Variants in RTEL1 observed in about 807,000 individuals in gnomAD.
The protein encoded by RTEL1 is regulator of telomere elongation helicase 1.
Under a neutral mutation model 162.2 loss-of-function variants are expected in RTEL1, and 86 were observed. The ratio of observed to expected loss-of-function variants is 0.53; its 90% CI spans 0.45 to 0.63. RTEL1 has a LOEUF of 0.63. Among genes scored for constraint, RTEL1 ranks in the 30% least tolerant of loss-of-function variants. The pLI, the probability that RTEL1 is intolerant of heterozygous loss-of-function variation, is 0.00. For synonymous variants in RTEL1, 958 were observed against 717.9 expected (o/e 1.33, Z -5.35); for missense variants, 1,941 against 1,750.2 (o/e 1.11, Z -1.95).
In RTEL1 at chr20:63,695,165, C is replaced by G. The variant is rs116773320; in HGVS notation, c.3443C>G (p.Pro1148Arg). ...RPYPGMEPPGPQEERLAVPPV... is the reference protein window; with the variant it reads ...RPYPGMEPPGRQEERLAVPPV... The stretch of plus-strand genomic sequence containing the variant: ...TACCCGGGCATGGAGCCACCGGGAC[C>G]CCAGGAGGAGAGGCTTGCCGTGCCT... Residue 1148 changes from proline (P) to arginine (R), a missense_variant, in exon 33 of 35, where the codon CCC becomes CGC. Pro to Arg is a moderately radical substitution (Grantham distance 103). Coordinates refer to ENST00000360203, the MANE Select transcript of RTEL1 (RefSeq NM_001283009.2). The G allele has an allele frequency of 1.2e-6, 2 of 1,612,360 alleles. No homozygotes were observed. The highest frequency in any genetic ancestry group is 3.3e-5 in the Admixed American group (2 of 59,996).
At chr20:63,692,754 G>GC (rs2090782408) in intron 28 of RTEL1, 51 bp from the exon 29 acceptor site, 3 of 1,550,778 alleles carry the variant, frequency 1.9e-6, no homozygotes, top group African/African-American at 2.7e-5. Context: ...CAGCCCCAGG[G>GC]ACCAGATGAT....
At chr20:63,676,910 G>GA (rs912619570) in intron 10 of RTEL1, among the ~76,000 whole-genome samples, 1 of 39,952 alleles carries the variant, frequency 2.5e-5, no homozygotes, top group Non-Finnish European at 4.9e-5. Flanking sequence ...ACTCCAGCCT[G>GA]GCGACAGAGC....
At position 63,692,939 on chromosome 20, in the gene RTEL1, C is replaced by T. The variant is rs115030322; in HGVS notation, c.2787C>T (p.Ala929=). 690 of 1,612,638 alleles carry T rather than the reference C, an allele frequency of 4.3e-4. 3 individuals are homozygous for T. Among genetic ancestry groups the T allele is most frequent in the African/African-American group, 2.0e-3 (151 of 75,054 alleles). The change falls in exon 29 of 35, where the codon GCC becomes GCT. Residue 929 remains alanine, a synonymous_variant. Coordinates refer to ENST00000360203, the MANE Select transcript of RTEL1 (RefSeq NM_001283009.2). Reference sequence around the variant, plus strand: ...ACTACAAGGGTTCCGATGACTTCGCCGCCCTGGCCGCCTGTCTCGGCCCCC... The same window carrying T: ...ACTACAAGGGTTCCGATGACTTCGCTGCCCTGGCCGCCTGTCTCGGCCCCC... ...LQDYKGSDDF[A]ALAACLGPLF... is the part of the protein sequence containing the mutation.
intron 27 of RTEL1, among the ~76,000 whole-genome samples, chr20:63,691,498 G>C (rs2090742386): frequency 6.6e-6 from 1 of 152,084 alleles, no homozygotes; most frequent in African/African-American, 2.4e-5. Flanking sequence ...CCCTCGCTGT[G>C]GTCGGACTGT....
Position 63,694,884 on chromosome 20 carries a change from G to A in RTEL1, c.3253G>A (p.Ala1085Thr), listed in dbSNP as rs1470891280. Reference sequence around the variant, plus strand: ...TAGCCAACTCTTGGCAGCGCTGACAGCCTATAAGCAAGACGACGACCTCGA... The same window carrying A: ...TAGCCAACTCTTGGCAGCGCTGACAACCTATAAGCAAGACGACGACCTCGA... ...GCSQLLAALT[A>T]YKQDDDLDKV... Residue 1085 changes from alanine (A) to threonine (T), a missense_variant, in exon 32 of 35, where the codon GCC becomes ACC. Transcript: ENST00000360203. 7 of 1,612,678 alleles carry A rather than the reference G, an allele frequency of 4.3e-6. No homozygotes were observed. The highest frequency in any genetic ancestry group is 5.1e-6 in the Non-Finnish European group (6 of 1,179,880).
intron 8 of RTEL1, 49 bp from the exon 9 acceptor site, chr20:63,672,507 C>T: frequency 6.9e-7 from 1 of 1,457,910 alleles, no homozygotes. Flanking sequence ...TTCCCTCTTT[C>T]CCGGCCTCTG....
Position 63,692,923 on chromosome 20 carries a change from G to A in RTEL1, c.2771G>A (p.Gly924Asp), listed in dbSNP as rs776546788. ...TFTQALQDYK[G>D]SDDFAALAAC... ...ACCCAGGCCCTGCAGGACTACAAGG[G>A]TTCCGATGACTTCGCCGCCCTGGCC... The change falls in exon 29 of 35, where the codon GGT becomes GAT. Residue 924 changes from glycine to aspartate, a missense_variant. Physicochemically the swap from Gly to Asp is moderately conservative, Grantham distance 94. Coordinates refer to ENST00000360203, the MANE Select transcript of RTEL1 (RefSeq NM_001283009.2). The A allele has an allele frequency of 2.5e-6, 4 of 1,612,654 alleles. No homozygotes were observed. In the South Asian group the frequency reaches 4.4e-5, roughly 18 times the overall value.
At chr20:63,676,817 C>T (rs571606382) in intron 10 of RTEL1, among the ~76,000 whole-genome samples, 1 of 152,312 alleles carries the variant, frequency 6.6e-6, no homozygotes, top group Admixed American at 6.5e-5. Context: ...TGCTTGTAAT[C>T]CCAGCTACTT....
At chr20:63,658,686 C>A (rs1452529157) in intron 1 of RTEL1, 1 of 152,440 alleles carries the variant, frequency 6.6e-6, no homozygotes, top group African/African-American at 2.4e-5. Flanking sequence ...AGGGAAGGGC[C>A]GACATTCAGT....
chr20:63,685,317 A>G (rs2090567666), intron 14 of RTEL1, among the ~76,000 whole-genome samples: 1 of 152,158 alleles, frequency 6.6e-6, no homozygotes, highest in African/African-American at 2.4e-5. Context: ...TTGGGGGAAC[A>G]CAGAGCTCAC....
intron 8 of RTEL1, among the ~76,000 whole-genome samples, chr20:63,667,998 C>T (rs541801717): frequency 2.2e-4 from 33 of 150,304 alleles, no homozygotes; most frequent in African/African-American, 7.8e-4. Context: ...AGTGCATGCC[C>T]GGCCCCACAC....
chr20:63,675,693 G>T (rs2090334868), intron 10 of RTEL1, among the ~76,000 whole-genome samples: 1 of 152,150 alleles, frequency 6.6e-6, no homozygotes, highest in African/African-American at 2.4e-5. Flanking sequence ...AGATTGCCAC[G>T]CAGGGAGTTG....
chr20:63,693,361 T>A, intron 30 of RTEL1, 78 bp downstream of exon 30: 1 of 1,569,518 alleles, frequency 6.4e-7, no homozygotes, highest in Non-Finnish European at 8.7e-7. Context: ...CTGCTTGGGG[T>A]GGGCATCCTC....
At position 63,671,933 on chromosome 20, in the gene RTEL1, G is replaced by T. The variant is rs542026156; in HGVS notation, c.700-623G>T. 2.5e-3 allele frequency among the ~76,000 whole-genome samples: 378 copies of T among 152,098 alleles called. 2 individuals carry two copies. Among genetic ancestry groups the T allele is most frequent in the Non-Finnish European group, 4.4e-3 (302 of 68,006 alleles). On this transcript the variant is annotated intron_variant, in intron 8 of 34. Coordinates refer to ENST00000360203, the MANE Select transcript of RTEL1 (RefSeq NM_001283009.2). The stretch of plus-strand genomic sequence containing the variant: ...AAGTCTCACTCTGTCGCCTAGGCTG[G>T]AGTGCAGTGACACAATCTCGGCTCA...
At chr20:63,687,556 G>A in intron 16 of RTEL1, 82 bp from the exon 17 acceptor site, 2 of 1,427,612 alleles carry the variant, frequency 1.4e-6, no homozygotes, top group Non-Finnish European at 1.9e-6. Flanking sequence ...TGGGTGGAGA[G>A]GGTGATGGGC....
At chr20:63,664,404 G>A (rs986558609) in intron 6 of RTEL1, among the ~76,000 whole-genome samples, 25 of 152,160 alleles carry the variant, frequency 1.6e-4, no homozygotes, top group African/African-American at 5.8e-4. Context: ...GTGGCTGCTG[G>A]GCCTGGGACC....
chr20:63,662,895 A>G lies in RTEL1; in HGVS notation c.538+6A>G, dbSNP rs756111167. On this transcript the variant is annotated splice_donor_region_variant and intron_variant, in intron 6 of 34. Coordinates refer to ENST00000360203, the MANE Select transcript of RTEL1 (RefSeq NM_001283009.2). ...TTTCTACAACAACGTAGAAGGTACA[A>G]GCAGCTGGGTGGGACCAGGGTCGGG... The G allele has an allele frequency of 4.3e-6, 7 of 1,613,650 alleles. No homozygotes were observed. Among genetic ancestry groups the G allele is most frequent in the East Asian group, 4.5e-5 (2 of 44,898 alleles).
intron 26 of RTEL1, 57 bp downstream of exon 26, chr20:63,690,498 GGC>G: frequency 7.3e-7 from 1 of 1,366,796 alleles, no homozygotes. Flanking sequence ...GGCGGCGTGG[GGC>G]GGGCAGCACC....
In RTEL1 at chr20:63,695,806, C is replaced by T; in HGVS notation, c.3851C>T (p.Thr1284Ile). The T allele has an allele frequency of 6.3e-7, 1 of 1,599,812 alleles. No individual in the cohort carries two copies. Among genetic ancestry groups the T allele is most frequent in the Non-Finnish European group, 8.5e-7 (1 of 1,174,394 alleles). The change falls in exon 35 of 35, where the codon ACC becomes ATC. Residue 1284 changes from threonine (T) to isoleucine (I), a missense_variant. By Grantham distance (89) the Thr-to-Ile change is moderately conservative. Transcript: ENST00000360203. The part of the protein sequence containing the change: ...QASRMCPACH[T>I]ASRKQSVMQV... ...TCTAGGATGTGCCCAGCCTGCCACA[C>T]CGCCTCCAGGAAGCAGAGCGTCATG...
Sources: gnomAD v4.1 joint callset for allele counts (sites outside exome capture counted in the v4.1 genomes callset) on GRCh38, gnomAD v4.1.1 for gene constraint, MANE v1.5 for transcripts, NCBI Gene and HGNC (gene_info 2026-07-23, HGNC 2026-07-21) for gene names.